The following LRRC36 variants were observed in gnomAD, a reference collection of about 807,000 sequenced individuals.
LRRC36 encodes leucine rich repeat containing 36.
LRRC36 carries 62 observed loss-of-function variants against 81.1 expected under a neutral mutation model. That is an observed-to-expected ratio of 0.76 (90% confidence interval 0.62 to 0.94). LRRC36 has a LOEUF of 0.94. LRRC36 is among the 40% of genes least tolerant of loss of function. LRRC36 has a pLI of 0.00. For missense variants in LRRC36, 761 were observed against 881.7 expected, an observed-to-expected ratio of 0.86 and a Z score of 1.73; for synonymous variants, 334 against 348.6, an observed-to-expected ratio of 0.96 and a Z score of 0.47.
chr16:67,382,036 C>A, intron 12 of LRRC36, 97 bp from the exon 13 acceptor site: 1 of 786,508 alleles, frequency 1.3e-6, no homozygotes, highest in Non-Finnish European at 2.1e-6. Context: ...TGCCATGGGG[C>A]CCCCAGTTCT....
At chr16:67,382,106 C>T (rs764020530) in intron 12 of LRRC36, 27 bp from the exon 13 acceptor site, 2 of 1,432,082 alleles carry the variant, frequency 1.4e-6, no homozygotes, top group Non-Finnish European at 2.0e-6. Flanking sequence ...GAATCCTTTT[C>T]ACCCCTGGCT....
At chr16:67,350,943 C>T (rs937462366) in intron 5 of LRRC36, among the ~76,000 whole-genome samples, 4 of 152,118 alleles carry the variant, frequency 2.6e-5, no homozygotes, top group African/African-American at 7.2e-5. Flanking sequence ...GAGGCTGAGG[C>T]AGGAGAATCA....
At chr16:67,378,128 A>G (rs1250831728) in intron 11 of LRRC36, among the ~76,000 whole-genome samples, 1 of 152,174 alleles carries the variant, frequency 6.6e-6, no homozygotes, top group African/African-American at 2.4e-5. Flanking sequence ...GTATTTACCA[A>G]TGAATTAAAA....
chr16:67,343,092 A>G (rs565387632), intron 2 of LRRC36, among the ~76,000 whole-genome samples: 1 of 152,240 alleles, frequency 6.6e-6, no homozygotes, highest in Non-Finnish European at 1.5e-5. Context: ...ATAGGATCCA[A>G]TTTAAAAAAT....
intron 1 of LRRC36, among the ~76,000 whole-genome samples, chr16:67,341,214 TAATA>T (rs1244367720): frequency 7.1e-6 from 1 of 140,624 alleles, no homozygotes; most frequent in East Asian, 2.1e-4. Context: ...ATATGTCATT[TAATA>T]TATAATTTAA....
At chr16:67,359,414 A>T (rs1245382311) in intron 5 of LRRC36, among the ~76,000 whole-genome samples, 1 of 152,200 alleles carries the variant, frequency 6.6e-6, no homozygotes, top group Non-Finnish European at 1.5e-5. Flanking sequence ...TTTATATAAA[A>T]TTTGCAGAAT....
chr16:67,345,634 G>T (rs2038308723), intron 2 of LRRC36, among the ~76,000 whole-genome samples: 1 of 152,070 alleles, frequency 6.6e-6, no homozygotes, highest in Non-Finnish European at 1.5e-5. Flanking sequence ...CTCTGAAGAG[G>T]AAAACAGTCT....
Position 67,385,047 on chromosome 16 carries a change from A to G in LRRC36, c.2223A>G (p.Leu741=). 1.2e-6 allele frequency: 2 copies of G among 1,614,170 alleles called. No homozygotes were observed. Among genetic ancestry groups the G allele is most frequent in the Non-Finnish European group, 1.7e-6 (2 of 1,180,026 alleles). Residue 741 remains leucine (L), a synonymous_variant, in exon 14 of 14, where the codon CTA becomes CTG. Transcript: ENST00000329956. ...TGGCACATGAGACTGGTCAGTATCT[A>G]ATACAGAGCGTCTTGGATGCTGCCC... ...SPVAHETGQY[L]IQSVLDAAPE...
chr16:67,352,527 TCC>T (rs941160324), intron 5 of LRRC36, among the ~76,000 whole-genome samples: 3 of 152,044 alleles, frequency 2.0e-5, no homozygotes, highest in Non-Finnish European at 2.9e-5. Flanking sequence ...CTCTCTCTCT[TCC>T]CATATCCCCG....
intron 13 of LRRC36, 106 bp from the exon 14 acceptor site, chr16:67,384,764 A>G: frequency 1.3e-6 from 1 of 742,382 alleles, no homozygotes; most frequent in Non-Finnish European, 2.3e-6. Context: ...CTTCTATTTA[A>G]AGATGTGACT....
chr16:67,384,747 A>G, intron 13 of LRRC36, 123 bp from the exon 14 acceptor site: 1 of 670,862 alleles, frequency 1.5e-6, no homozygotes, highest in Non-Finnish European at 2.6e-6. Flanking sequence ...CATAAATTGG[A>G]CAGTTCCTTC....
chr16:67,379,492 G>A (rs932505077), intron 12 of LRRC36, among the ~76,000 whole-genome samples: 3 of 152,134 alleles, frequency 2.0e-5, no homozygotes, highest in South Asian at 2.1e-4. Context: ...CAACGTGGGC[G>A]GATCACTTGA....
chr16:67,334,773 C>T (rs554436422), intron 1 of LRRC36, among the ~76,000 whole-genome samples: 35 of 152,182 alleles, frequency 2.3e-4, no homozygotes, highest in Non-Finnish European at 4.0e-4. Context: ...TTCTATTTTC[C>T]CTAAGTGTCG....
intron 9 of LRRC36, chr16:67,371,657 G>T: frequency 4.0e-6 from 1 of 252,924 alleles, no homozygotes. Context: ...GATCACCTCA[G>T]GTCAGGAGTT....
chr16:67,372,526 C>G (rs1244324969), intron 9 of LRRC36, among the ~76,000 whole-genome samples: 3 of 152,120 alleles, frequency 2.0e-5, no homozygotes, highest in African/African-American at 7.2e-5. Flanking sequence ...TCATTTTTCT[C>G]CAGGTTCTAC....
At chr16:67,368,711 G>A (rs1309940911) in intron 8 of LRRC36, among the ~76,000 whole-genome samples, 1 of 152,200 alleles carries the variant, frequency 6.6e-6, no homozygotes, top group Non-Finnish European at 1.5e-5. Flanking sequence ...TAGACTATGG[G>A]GAGGAGGGTA....
chr16:67,378,741 G>A (rs1351479749), intron 12 of LRRC36, 29 bp downstream of exon 12: 1 of 1,609,548 alleles, frequency 6.2e-7, no homozygotes, highest in African/African-American at 1.3e-5. Context: ...TGATATATGA[G>A]GCCTCTCAAG....
chr16:67,378,544 A>G, intron 11 of LRRC36, 45 bp from the exon 12 acceptor site: 1 of 1,598,466 alleles, frequency 6.3e-7, no homozygotes, highest in Non-Finnish European at 8.6e-7. Flanking sequence ...CCAGCCTAGA[A>G]TGTCAGATTC....
intron 2 of LRRC36, among the ~76,000 whole-genome samples, chr16:67,344,109 GC>G (rs2038231947): frequency 6.6e-6 from 1 of 152,090 alleles, no homozygotes; most frequent in Non-Finnish European, 1.5e-5. Context: ...GAGCCACCAT[GC>G]CCAGCCACAT....
Sources: gnomAD v4.1 joint callset for allele counts (sites outside exome capture counted in the v4.1 genomes callset) on GRCh38, gnomAD v4.1.1 for gene constraint, MANE v1.5 for transcripts, NCBI Gene and HGNC (gene_info 2026-07-23, HGNC 2026-07-21) for gene names.